The following AGTPBP1 variants were observed in gnomAD, a reference collection of about 807,000 sequenced individuals.
AGTPBP1 encodes the protein ATP/GTP binding carboxypeptidase 1.
A neutral mutation model predicts 143.9 loss-of-function variants in AGTPBP1; 70 were observed. The observed-to-expected ratio is 0.49, with a 90% CI of 0.40 to 0.59. AGTPBP1 has a LOEUF of 0.59. Among genes scored for constraint, AGTPBP1 ranks in the 20% least tolerant of loss-of-function variants. AGTPBP1 has a pLI of 0.00. For synonymous variants in AGTPBP1, 463 were observed against 500.2 expected, an observed-to-expected ratio of 0.93 and a Z score of 0.99; for missense variants, 1,229 against 1,464.5, an observed-to-expected ratio of 0.84 and a Z score of 2.62.
intron 2 of AGTPBP1, among the ~76,000 whole-genome samples, chr9:85,709,540 T>C (rs1218298723): frequency 1.3e-5 from 2 of 152,062 alleles, no homozygotes; most frequent in African/African-American, 2.4e-5. Flanking sequence ...ATGGAAAAAT[T>C]TAAAGCAAGG....
intron 11 of AGTPBP1, among the ~76,000 whole-genome samples, chr9:85,653,685 G>A (rs1395886884): frequency 6.6e-6 from 1 of 152,176 alleles, no homozygotes; most frequent in Non-Finnish European, 1.5e-5. Context: ...GGTGCTAATG[G>A]CACCTCAACT....
At chr9:85,633,448 G>T in intron 13 of AGTPBP1, 74 bp from the exon 14 acceptor site, 4 of 1,139,518 alleles carry the variant, frequency 3.5e-6, no homozygotes, top group East Asian at 2.9e-5. Context: ...ATACATTCAT[G>T]TTATATATTG....
At chr9:85,779,091 T>C in the AGTPBP1 span, among the ~76,000 whole-genome samples, 1 of 151,944 alleles carries the variant, frequency 6.6e-6, no homozygotes, top group African/African-American at 2.4e-5. Context: ...AACTCCATCC[T>C]TAATATTCTG....
intron 25 of AGTPBP1, among the ~76,000 whole-genome samples, chr9:85,565,235 T>C (rs781035577): frequency 6.6e-6 from 1 of 152,238 alleles, no homozygotes; most frequent in African/African-American, 2.4e-5. Flanking sequence ...TTCAAGCTTA[T>C]TTGATATACA....
chr9:85,632,989 G>C lies in AGTPBP1; in HGVS notation c.1688C>G (p.Thr563Ser). Reference sequence around the variant, plus strand: ...ACATGCTTTAGCACAGGTAAGGACAGTAAGAGGAAGACTGCAGTCCTTCTT... The same window carrying C: ...ACATGCTTTAGCACAGGTAAGGACACTAAGAGGAAGACTGCAGTCCTTCTT... ...EMKKDCSLPL[T>S]VLTCAKACPH... The change falls in exon 14 of 26, where the codon ACT becomes AGT. Residue 563 changes from threonine to serine, a missense_variant. Around this residue, in one of 2 missense-constraint regions of AGTPBP1, gnomAD observed 743 missense variants for 812.2 expected, o/e 0.91. Transcript: ENST00000357081. The C allele has an allele frequency of 1.9e-6, 3 of 1,614,166 alleles. No individual in the cohort carries two copies. The highest frequency in any genetic ancestry group is 2.5e-6 in the Non-Finnish European group (3 of 1,180,018).
At chr9:85,717,903 C>T (rs536520715) in intron 1 of AGTPBP1, among the ~76,000 whole-genome samples, 1 of 152,042 alleles carries the variant, frequency 6.6e-6, no homozygotes, top group East Asian at 1.9e-4. Flanking sequence ...TGTTCAACTC[C>T]CACTTATGAA....
intron 1 of AGTPBP1, among the ~76,000 whole-genome samples, chr9:85,724,583 C>G (rs1284922636): frequency 6.6e-6 from 1 of 152,112 alleles, no homozygotes; most frequent in African/African-American, 2.4e-5. Flanking sequence ...CAAAAGCAAC[C>G]AAAATAGATT....
chr9:85,646,288 T>C, intron 12 of AGTPBP1, 33 bp downstream of exon 12: 2 of 1,511,834 alleles, frequency 1.3e-6, no homozygotes, highest in Non-Finnish European at 1.8e-6. Flanking sequence ...ATATCATTTA[T>C]AAAGCTAACT....
At chr9:85,629,354 A>C (rs951810875) in intron 14 of AGTPBP1, among the ~76,000 whole-genome samples, 3 of 152,222 alleles carry the variant, frequency 2.0e-5, no homozygotes, top group Non-Finnish European at 4.4e-5. Context: ...TTCAGAAACA[A>C]GGTGAGAAAA....
chr9:85,633,446 A>C, intron 13 of AGTPBP1, 72 bp from the exon 14 acceptor site: 1 of 1,144,008 alleles, frequency 8.7e-7, no homozygotes, highest in Non-Finnish European at 1.2e-6. Flanking sequence ...TAATACATTC[A>C]TGTTATATAT....
At chr9:85,751,704 T>A in the AGTPBP1 span, among the ~76,000 whole-genome samples, 3 of 152,210 alleles carry the variant, frequency 2.0e-5, no homozygotes, top group South Asian at 2.1e-4. Context: ...AATCTCTGCC[T>A]CTCAAGTTCA....
chr9:85,716,221 G>C lies in AGTPBP1; in HGVS notation c.-33-3655C>G, dbSNP rs569827291. Among the ~76,000 whole-genome samples, 5 of 152,314 alleles carry C rather than the reference G, an allele frequency of 3.3e-5. No individual in the cohort carries two copies. The South Asian group carries it at 1.0e-3, about 32-fold the overall frequency. ...CTTATTTGTCCTATCAGCAGCATTTGATACAGCTGACCACATCCTCTTCTT... is the reference window on the plus strand; with the variant it reads ...CTTATTTGTCCTATCAGCAGCATTTCATACAGCTGACCACATCCTCTTCTT... On this transcript the variant is annotated intron_variant, in intron 1 of 25. Transcript: ENST00000357081.
At chr9:85,804,538 G>C in the AGTPBP1 span, among the ~76,000 whole-genome samples, 1 of 152,180 alleles carries the variant, frequency 6.6e-6, no homozygotes, top group African/African-American at 2.4e-5. Flanking sequence ...GAAGGCAAAG[G>C]TATCTTCAAC....
chr9:85,668,811 T>C (rs1027700817), intron 8 of AGTPBP1, among the ~76,000 whole-genome samples: 1 of 151,564 alleles, frequency 6.6e-6, no homozygotes, highest in African/African-American at 2.4e-5. Flanking sequence ...CTCTATTTTA[T>C]GTATGTTTTA....
intron 10 of AGTPBP1, among the ~76,000 whole-genome samples, chr9:85,657,069 T>C (rs998698842): frequency 1.3e-5 from 2 of 151,742 alleles, no homozygotes; most frequent in Non-Finnish European, 2.9e-5. Flanking sequence ...TTGGGAGATA[T>C]ACCTAATGCT....
chr9:85,730,895 G>A (rs1466326797), intron 1 of AGTPBP1, among the ~76,000 whole-genome samples: 2 of 152,016 alleles, frequency 1.3e-5, no homozygotes, highest in South Asian at 4.1e-4. Context: ...TTACTATGTG[G>A]TTTCTATCTC....
chr9:85,672,701 A>G lies in AGTPBP1; in HGVS notation c.437-20T>C, dbSNP rs775860978. ...TTTTATCTGTTTAAAAAAAAAAAAG[A>G]CAATTTATGCACATACAACTTTTCT... On this transcript the variant is annotated intron_variant, in intron 6 of 25. Coordinates refer to ENST00000357081, the MANE Select transcript of AGTPBP1 (RefSeq NM_001330701.2). The G allele has an allele frequency of 4.5e-6, 7 of 1,545,508 alleles. No homozygotes were observed. Among genetic ancestry groups the G allele is most frequent in the Admixed American group, 4.1e-5 (2 of 48,866 alleles).
At chr9:85,711,613 T>C (rs972052675) in intron 2 of AGTPBP1, among the ~76,000 whole-genome samples, 6 of 152,100 alleles carry the variant, frequency 3.9e-5, no homozygotes, top group Non-Finnish European at 8.8e-5. Flanking sequence ...CTAATTTTTG[T>C]ATTTTTTATA....
intron 24 of AGTPBP1, among the ~76,000 whole-genome samples, chr9:85,576,366 G>A (rs368113736): frequency 5.3e-5 from 8 of 152,030 alleles, no homozygotes; most frequent in African/African-American, 1.7e-4. Flanking sequence ...TATGGCACAC[G>A]GTAACTGAAG....
Sources: gnomAD v4.1 joint callset for allele counts (sites outside exome capture counted in the v4.1 genomes callset) on GRCh38, gnomAD v4.1.1 for gene constraint, gnomAD v4.1.1 regional missense constraint, MANE v1.5 for transcripts, NCBI Gene and HGNC (gene_info 2026-07-23, HGNC 2026-07-21) for gene names.